NCAPD2: variants seen among roughly 807,000 people sequenced by gnomAD.
The protein encoded by NCAPD2 is condensin complex subunit 1.
NCAPD2 carries 100 observed loss-of-function variants against 164.5 expected under a neutral mutation model. The ratio of observed to expected loss-of-function variants is 0.61; its 90% CI spans 0.52 to 0.72. The LOEUF is 0.72. Ranked by LOEUF, NCAPD2 falls within the 30% of genes least tolerant of loss-of-function variation. The pLI, the probability that NCAPD2 is intolerant of heterozygous loss-of-function variation, is 0.00. For synonymous variants in NCAPD2, 585 were observed against 642.6 expected, an observed-to-expected ratio of 0.91 and a Z score of 1.36; for missense variants, 1,560 against 1,749.2, an observed-to-expected ratio of 0.89 and a Z score of 1.93.
At chr12:6,507,077 A>C (rs1946105433) in intron 2 of NCAPD2, among the ~76,000 whole-genome samples, 1 of 152,258 alleles carries the variant, frequency 6.6e-6, no homozygotes, top group Non-Finnish European at 1.5e-5. Context: ...GGATTCCACC[A>C]AGAATGGTTG....
chr12:6,517,244 T>G (rs1298151367), intron 10 of NCAPD2, 121 bp from the exon 11 acceptor site: 2 of 1,432,674 alleles, frequency 1.4e-6, no homozygotes, highest in Non-Finnish European at 1.9e-6. Flanking sequence ...CTAATCTATA[T>G]TCTGTAGAAA....
chr12:6,518,512 T>TTTTTTG, intron 13 of NCAPD2, among the ~76,000 whole-genome samples: 1 of 103,518 alleles, frequency 9.7e-6, no homozygotes, highest in African/African-American at 4.1e-5. Context: ...AAGTTTTTTT[T>TTTTTTG]TTTTTTTTTT....
intron 2 of NCAPD2, among the ~76,000 whole-genome samples, chr12:6,509,031 A>G (rs1035021847): frequency 6.6e-6 from 1 of 152,128 alleles, no homozygotes; most frequent in Non-Finnish European, 1.5e-5. Context: ...AACTAAGTGC[A>G]TTGTGGGATC....
In NCAPD2 at chr12:6,525,525, G is replaced by T. The variant is rs535843118; in HGVS notation, c.2215-58G>T. 5.8e-6 allele frequency: 9 copies of T among 1,561,200 alleles called. No individual in the cohort carries two copies. The African/African-American group carries it at 1.1e-4, about 19-fold the overall frequency. On this transcript the variant is annotated intron_variant, in intron 17 of 31. Coordinates refer to ENST00000315579, the MANE Select transcript of NCAPD2 (RefSeq NM_014865.4). ...TCGCAATATCATCTTCAGAAAAGCA[G>T]ACCAAAGATCAAGGAATTGTTCATT...
chr12:6,504,216 T>TATATATAC (rs1406807438), intron 2 of NCAPD2, among the ~76,000 whole-genome samples: 4 of 23,242 alleles, frequency 1.7e-4, no homozygotes, highest in Admixed American at 5.8e-4. Flanking sequence ...TATATATATA[T>TATATATAC]AGATATAGAT....
intron 2 of NCAPD2, among the ~76,000 whole-genome samples, chr12:6,497,293 G>A (rs1945992971): frequency 1.6e-5 from 1 of 64,104 alleles, no homozygotes; most frequent in Admixed American, 2.4e-4. Context: ...TTTTTTAAAT[G>A]GTCACCTTTT....
intron 13 of NCAPD2, among the ~76,000 whole-genome samples, chr12:6,518,525 T>TTTTTTTTTTTTTTTTG (rs1565544209): frequency 8.2e-6 from 1 of 122,014 alleles, no homozygotes; most frequent in African/African-American, 3.3e-5. Context: ...TTTTTTTTTT[T>TTTTTTTTTTTTTTTTG]TTTTTTTTTG....
intron 6 of NCAPD2, among the ~76,000 whole-genome samples, chr12:6,513,715 C>CTTTTTTTTTCTTTTTTTTTTTTTTTTTT (rs1946172182): frequency 1.3e-5 from 1 of 74,894 alleles, no homozygotes. Flanking sequence ...GTGACTTTGT[C>CTTTTTTTTTCTTTTTTTTTTTTTTTTTT]TTTTTTTTTT....
chr12:6,531,769 A>C lies in NCAPD2; in HGVS notation c.*357A>C. On this transcript the variant is annotated 3_prime_UTR_variant, in exon 32 of 32. Transcript: ENST00000315579. The surrounding 1 kb of genome is among the most constrained non-coding windows in gnomAD (Gnocchi z 4.1). ...TAGTGAGCCGAAATCACACCATTGC[A>C]CTCCAGCTTGGGCAACAATAGCGAA... 1 of 272,608 alleles carries C rather than the reference A, an allele frequency of 3.7e-6. No homozygotes were observed. The highest frequency in any genetic ancestry group is 2.3e-5 in the African/African-American group (1 of 43,712). 16.9% of individuals were successfully genotyped at this position (272,608 alleles called of 1,614,324 possible). A position where few individuals can be genotyped will look rare whatever the true frequency, so the allele number is the denominator to read the frequency against.
At chr12:6,516,075 A>G (rs1946196367) in intron 9 of NCAPD2, among the ~76,000 whole-genome samples, 1 of 151,762 alleles carries the variant, frequency 6.6e-6, no homozygotes, top group African/African-American at 2.4e-5. Context: ...GCGCACCTGT[A>G]ATCCTAGCTA....
At chr12:6,516,229 C>T (rs1220375217) in intron 9 of NCAPD2, among the ~76,000 whole-genome samples, 27 of 142,036 alleles carry the variant, frequency 1.9e-4, no homozygotes, top group African/African-American at 6.1e-4. Context: ...CACAGACGGG[C>T]GCGGTGGCTC....
chr12:6,518,504 G>GTTTTTTTTTTTTTTTGTTTTTTTTTTTT (rs1946227130), intron 13 of NCAPD2, among the ~76,000 whole-genome samples: 4 of 44,784 alleles, frequency 8.9e-5, no homozygotes, highest in African/African-American at 4.1e-4. Context: ...CCGTCAACAA[G>GTTTTTTTTTTTTTTTGTTTTTTTTTTTT]TTTTTTTTTT....
intron 2 of NCAPD2, among the ~76,000 whole-genome samples, chr12:6,499,447 G>C (rs937134373): frequency 6.6e-6 from 1 of 152,048 alleles, no homozygotes. Context: ...GAGTGCAGTG[G>C]CAAGGTATCG....
intron 16 of NCAPD2, 125 bp from the exon 17 acceptor site, chr12:6,523,137 T>C (rs1208475601): frequency 1.4e-6 from 2 of 1,431,268 alleles, no homozygotes; most frequent in African/African-American, 2.8e-5. Context: ...TAGTGGGGCT[T>C]AGGGTGGGGC....
intron 29 of NCAPD2, 50 bp downstream of exon 29, chr12:6,530,008 G>A: frequency 6.4e-7 from 1 of 1,560,472 alleles, no homozygotes; most frequent in Non-Finnish European, 8.7e-7. Flanking sequence ...GGCTGGCTAA[G>A]ACATCTGCCG....
rs796305141 is a variant in NCAPD2, at chr12:6,531,503, CTT to C, written c.*98_*99del. ...TCCCTTGTAAAATATTTGTCTGTCT[CTT>C]TTTTTTAAAAAAAAAAAAGGCCGGG... On this transcript the variant is annotated 3_prime_UTR_variant, in exon 32 of 32. Coordinates refer to ENST00000315579, the MANE Select transcript of NCAPD2 (RefSeq NM_014865.4). The surrounding 1 kb of genome is among the most constrained non-coding windows in gnomAD (Gnocchi z 4.1). 0.016 allele frequency: 20,060 copies of C among 1,279,622 alleles called. 164 individuals are homozygous for C. Among genetic ancestry groups the C allele is most frequent in the African/African-American group, 0.092 (5,405 of 58,898 alleles). The allele number at this position is 1,279,622 out of a possible 1,614,324, so 79.3% of individuals were successfully genotyped here.
chr12:6,528,435 C>G lies in NCAPD2; in HGVS notation c.3299+107C>G. On this transcript the variant is annotated intron_variant, in intron 25 of 31. Transcript: ENST00000315579. This position sits in a 1 kb window ranked among gnomAD's most constrained non-coding sequence, Gnocchi z 5.1. ...CTTCCCCTAGGCTTTGGCATCACCGCGAACATCTGCTTGATACTTGACCTG... is the reference window on the plus strand; with the variant it reads ...CTTCCCCTAGGCTTTGGCATCACCGGGAACATCTGCTTGATACTTGACCTG... 1 of 1,459,602 alleles carries G rather than the reference C, an allele frequency of 6.9e-7. No individual in the cohort carries two copies. Among genetic ancestry groups the G allele is most frequent in the Non-Finnish European group, 9.5e-7 (1 of 1,055,108 alleles). 90.4% of individuals were successfully genotyped at this position (1,459,602 alleles called of 1,614,324 possible).
intron 29 of NCAPD2, among the ~76,000 whole-genome samples, chr12:6,530,443 C>A (rs1304839595): frequency 1.3e-5 from 2 of 152,224 alleles, no homozygotes; most frequent in African/African-American, 4.8e-5. Flanking sequence ...AGAAGAGTTT[C>A]ACTGCCTTAC....
At chr12:6,527,717 G>A (rs758937993) in intron 22 of NCAPD2, 60 bp from the exon 23 acceptor site, 8 of 1,493,918 alleles carry the variant, frequency 5.4e-6, no homozygotes, top group Non-Finnish European at 7.4e-6. Flanking sequence ...AACAAAGTAT[G>A]GGCTGGAATC....
Sources: allele counts gnomAD v4.1 joint callset (sites outside exome capture counted in the v4.1 genomes callset), GRCh38; gene constraint gnomAD v4.1.1; non-coding constraint Gnocchi (gnomAD v3.1); transcripts MANE v1.5; gene names NCBI Gene and HGNC (gene_info 2026-07-23, HGNC 2026-07-21).